The following ZFR variants were observed in gnomAD, a reference collection of about 807,000 sequenced individuals.
The protein encoded by ZFR is zinc finger RNA binding protein.
ZFR carries 19 observed loss-of-function variants against 130.7 expected under a neutral mutation model. That is an observed-to-expected ratio of 0.15 (90% CI 0.10 to 0.21). The LOEUF (loss-of-function observed/expected upper bound fraction) is 0.21, where lower values mean the gene tolerates loss of function less well. ZFR is among the 10% of genes least tolerant of loss of function. ZFR has a pLI of 1.00. For missense variants in ZFR, 872 were observed against 1,321.5 expected, an observed-to-expected ratio of 0.66 and a Z score of 5.27; for synonymous variants, 466 against 456.9, an observed-to-expected ratio of 1.02 and a Z score of -0.25.
rs1162464354 is a variant in ZFR at position 32,431,800 on chromosome 5, A to C, written c.138-11697T>G. 2.0e-5 allele frequency among the ~76,000 whole-genome samples: 3 copies of C among 151,262 alleles called. No individual in the cohort carries two copies. In the East Asian group the frequency reaches 5.8e-4, roughly 29 times the overall value. On this transcript the variant is annotated intron_variant, in intron 2 of 19. Coordinates refer to ENST00000265069, the MANE Select transcript of ZFR (RefSeq NM_016107.5). ...AAAAAAAAAAGACAAACTTCCTCAC[A>C]GAATCACCCCAAAGACAAAGCAACT...
chr5:32,444,420 G>A (rs1754556277), intron 1 of ZFR, 92 bp from the exon 2 acceptor site: 1 of 1,418,564 alleles, frequency 7.0e-7, no homozygotes, highest in Non-Finnish European at 9.5e-7. Flanking sequence ...GAAAGAGAGA[G>A]GCGCCGTGAG....
intron 5 of ZFR, among the ~76,000 whole-genome samples, chr5:32,410,813 C>T (rs1753690750): frequency 6.6e-6 from 1 of 152,106 alleles, no homozygotes; most frequent in African/African-American, 2.4e-5. Context: ...CCAAAAATTG[C>T]AGATAAAGAA....
chr5:32,394,914 T>C (rs1753266761), intron 11 of ZFR, among the ~76,000 whole-genome samples: 1 of 152,186 alleles, frequency 6.6e-6, no homozygotes, highest in Non-Finnish European at 1.5e-5. Context: ...TATTTCTTCA[T>C]ATGTTTAATT....
At position 32,363,935 on chromosome 5, in the gene ZFR, G is replaced by C; in HGVS notation, c.3045+13C>G. On this transcript the variant is annotated intron_variant, in intron 19 of 19. Transcript: ENST00000265069. ...GTAACCCAATAGGGCTCTGAATTTA[G>C]GAATACCAGTACCTGTGCACTGGAT... 1.9e-6 allele frequency: 3 copies of C among 1,610,882 alleles called. No individual in the cohort carries two copies. The highest frequency in any genetic ancestry group is 2.5e-6 in the Non-Finnish European group (3 of 1,177,684).
intron 17 of ZFR, 143 bp from the exon 18 acceptor site, chr5:32,364,418 ATAT>A: frequency 1.9e-6 from 1 of 529,514 alleles, no homozygotes; most frequent in Admixed American, 3.4e-5. Flanking sequence ...TAAATATTAC[ATAT>A]AATATAAAAA....
chr5:32,432,705 A>G (rs920673355), intron 2 of ZFR, among the ~76,000 whole-genome samples: 9 of 152,004 alleles, frequency 5.9e-5, no homozygotes, highest in African/African-American at 2.2e-4. Flanking sequence ...TTTTATTACC[A>G]TAGATTTTAG....
At chr5:32,419,783 C>T in intron 3 of ZFR, 38 bp downstream of exon 3, 5 of 1,544,086 alleles carry the variant, frequency 3.2e-6, no homozygotes, top group Non-Finnish European at 4.4e-6. Flanking sequence ...ACAAAGAAAC[C>T]CGCACATTCA....
intron 2 of ZFR, among the ~76,000 whole-genome samples, chr5:32,438,906 C>T (rs1754399483): frequency 6.6e-6 from 1 of 152,156 alleles, no homozygotes; most frequent in African/African-American, 2.4e-5. Flanking sequence ...GGTGAGGAAA[C>T]CAAGTCTTAG....
intron 2 of ZFR, among the ~76,000 whole-genome samples, chr5:32,431,167 A>C (rs1053016622): frequency 4.6e-5 from 7 of 152,254 alleles, no homozygotes; most frequent in African/African-American, 1.7e-4. Context: ...AAATGATCTC[A>C]GAATGAATGA....
rs541103485 is a variant in ZFR at position 32,391,213 on chromosome 5, C to T, written c.1980-776G>A. Among the ~76,000 whole-genome samples the T allele has an allele frequency of 2.4e-4, 36 of 152,334 alleles. No homozygotes were observed. In the South Asian group the frequency reaches 7.5e-3, roughly 32 times the overall value. Reference sequence around the variant, plus strand: ...CCAGCATGTCCACACAGTATACACCCTACTAGCCTATTAGTTGCTTAGTAA... The same window carrying T: ...CCAGCATGTCCACACAGTATACACCTTACTAGCCTATTAGTTGCTTAGTAA... On this transcript the variant is annotated intron_variant, in intron 11 of 19. Coordinates refer to ENST00000265069, the MANE Select transcript of ZFR (RefSeq NM_016107.5).
chr5:32,385,207 A>T (rs1753019209), intron 15 of ZFR, among the ~76,000 whole-genome samples: 2 of 145,610 alleles, frequency 1.4e-5, no homozygotes, highest in Admixed American at 1.4e-4. Context: ...TTTTTCATGC[A>T]TTGACTATGC....
Position 32,415,100 on chromosome 5 carries a change from G to A in ZFR, c.653C>T (p.Pro218Leu). The part of the protein sequence containing the change: ...RQVTAIKPAT[P>L]SPATTTFSIY... ...GGAGAAAGTAGTGGTAGCTGGACTT[G>A]GTGTGGCTGGTTTTATGGCTGTCAC... The change falls in exon 5 of 20, where the codon CCA (proline) becomes CTA (leucine). Residue 218 changes from proline (P) to leucine (L), a missense_variant. Pro to Leu is a moderately conservative substitution (Grantham distance 98). Around this residue, in one of 7 missense-constraint regions of ZFR, gnomAD observed 240 missense variants for 441.2 expected, o/e 0.54. Transcript: ENST00000265069. 1.2e-6 allele frequency: 2 copies of A among 1,614,082 alleles called. No homozygotes were observed. Among genetic ancestry groups the A allele is most frequent in the Non-Finnish European group, 1.7e-6 (2 of 1,180,004 alleles).
chr5:32,385,398 A>T, intron 15 of ZFR, 110 bp downstream of exon 15: 1 of 1,302,232 alleles, frequency 7.7e-7, no homozygotes, highest in Non-Finnish European at 1.1e-6. Context: ...AATCTATCAA[A>T]TTCACGTGTA....
chr5:32,429,202 G>A lies in ZFR; in HGVS notation c.138-9099C>T, dbSNP rs561551615. 2.6e-5 allele frequency among the ~76,000 whole-genome samples: 4 copies of A among 152,120 alleles called. No individual in the cohort carries two copies. In the East Asian group the frequency reaches 7.8e-4, roughly 29 times the overall value. On this transcript the variant is annotated intron_variant, in intron 2 of 19. Coordinates refer to ENST00000265069, the MANE Select transcript of ZFR (RefSeq NM_016107.5). ...GGGGTTTCACCGTGTTAGCCAGGATGGTCTCGATCTCCTGACCTCGTGATC... is the reference window on the plus strand; with the variant it reads ...GGGGTTTCACCGTGTTAGCCAGGATAGTCTCGATCTCCTGACCTCGTGATC...
intron 2 of ZFR, among the ~76,000 whole-genome samples, chr5:32,443,406 T>TGGG (rs1754514856): frequency 6.6e-6 from 1 of 152,184 alleles, no homozygotes. Context: ...TCTTCTTCCC[T>TGGG]CCCCACCATT....
intron 5 of ZFR, among the ~76,000 whole-genome samples, chr5:32,410,484 C>T (rs910772172): frequency 1.3e-5 from 2 of 151,532 alleles, no homozygotes; most frequent in African/African-American, 4.9e-5. Context: ...GGCATGGTGG[C>T]TCACGTCTGT....
At chr5:32,365,396 A>C (rs1206212513) in intron 17 of ZFR, among the ~76,000 whole-genome samples, 1 of 152,180 alleles carries the variant, frequency 6.6e-6, no homozygotes, top group African/African-American at 2.4e-5. Flanking sequence ...ATGAGAATTT[A>C]AAGAAATAGC....
rs1190890197 is a variant in ZFR at position 32,400,094 on chromosome 5, T to C, written c.1626A>G (p.Gln542=). The C allele has an allele frequency of 6.2e-7, 1 of 1,613,660 alleles. No homozygotes were observed. Residue 542 remains glutamine, a synonymous_variant, in exon 9 of 20, where the codon CAA becomes CAG. Transcript: ENST00000265069. ...GTGTGACTGGTTCTGACACTGTGTC[T>C]TGCTTTACTTCAGGAATCTGCACAG... is the stretch of plus-strand genomic sequence containing the variant. ...TSAVQIPEVK[Q]DTVSEPVTPA...
At chr5:32,365,765 T>C (rs868562633) in intron 17 of ZFR, among the ~76,000 whole-genome samples, 4 of 151,826 alleles carry the variant, frequency 2.6e-5, no homozygotes, top group Non-Finnish European at 4.4e-5. Flanking sequence ...GCAGCCACCA[T>C]GCCTGGCTAA....
Sources: gnomAD v4.1 joint callset for allele counts (sites outside exome capture counted in the v4.1 genomes callset) on GRCh38, gnomAD v4.1.1 for gene constraint, gnomAD v4.1.1 regional missense constraint, MANE v1.5 for transcripts, NCBI Gene and HGNC (gene_info 2026-07-23, HGNC 2026-07-21) for gene names.